RANBP2: variants seen among roughly 807,000 people sequenced by gnomAD.
RANBP2 encodes E3 SUMO-protein ligase RanBP2.
RANBP2 carries 57 observed loss-of-function variants against 303.6 expected under a neutral mutation model. The observed-to-expected ratio is 0.19, with a 90% CI of 0.15 to 0.23. RANBP2 has a LOEUF of 0.23. Among genes scored for constraint, RANBP2 ranks in the 10% least tolerant of loss-of-function variants. The pLI is 1.00. For missense variants in RANBP2, 3,138 were observed against 3,780.8 expected (o/e 0.83, Z 4.46); for synonymous variants, 1,167 against 1,301.5 (o/e 0.90, Z 2.23).
At chr2:108,812,502 A>T in the RANBP2 span, 1 of 669,124 alleles carries the variant, frequency 1.5e-6, no homozygotes, top group Non-Finnish European at 2.6e-6. Flanking sequence ...TAAGTTAATC[A>T]TGAATGCTGT....
At chr2:108,905,982 G>A in the RANBP2 span, among the ~76,000 whole-genome samples, 1 of 152,168 alleles carries the variant, frequency 6.6e-6, no homozygotes, top group African/African-American at 2.4e-5. Context: ...GTGTGGACAC[G>A]GTCTCTGGGG....
the RANBP2 span, among the ~76,000 whole-genome samples, chr2:109,011,964 C>T: frequency 8.5e-5 from 13 of 152,094 alleles, no homozygotes; most frequent in African/African-American, 2.2e-4. Flanking sequence ...AACATCTTCC[C>T]GTACCTTTCT....
the RANBP2 span, among the ~76,000 whole-genome samples, chr2:109,036,765 TGA>T: frequency 6.6e-6 from 1 of 152,114 alleles, no homozygotes; most frequent in Non-Finnish European, 1.5e-5. Context: ...CCCAACACTT[TGA>T]GAGGCTGAGA....
chr2:109,022,446 C>T, the RANBP2 span, among the ~76,000 whole-genome samples: 1 of 152,152 alleles, frequency 6.6e-6, no homozygotes, highest in Admixed American at 6.5e-5. Context: ...GGTGGATTTT[C>T]CAGATGGTGG....
the RANBP2 span, among the ~76,000 whole-genome samples, chr2:109,668,910 T>C: frequency 1.3e-5 from 2 of 152,188 alleles, no homozygotes; most frequent in East Asian, 3.9e-4. Flanking sequence ...TGTTCTTGCA[T>C]TCATGAATGG....
downstream of RANBP2, among the ~76,000 whole-genome samples, chr2:108,790,021 C>T (rs533958291): frequency 8.1e-4 from 123 of 152,212 alleles, 1 homozygote; most frequent in Middle Eastern, 3.4e-3. Flanking sequence ...CTGTATGTTA[C>T]ATAATTAGTA....
the RANBP2 span, among the ~76,000 whole-genome samples, chr2:108,901,765 C>A: frequency 2.1e-4 from 32 of 152,200 alleles, no homozygotes; most frequent in Non-Finnish European, 3.5e-4. Context: ...TAAAATAGAT[C>A]ATTTGAACAG....
the RANBP2 span, among the ~76,000 whole-genome samples, chr2:109,099,302 T>A: frequency 6.6e-6 from 1 of 152,220 alleles, no homozygotes; most frequent in Non-Finnish European, 1.5e-5. Context: ...AGGCTCTATA[T>A]GTCAACAGGT....
chr2:109,472,176 T>C, the RANBP2 span, among the ~76,000 whole-genome samples: 1 of 152,208 alleles, frequency 6.6e-6, no homozygotes, highest in East Asian at 1.9e-4. Flanking sequence ...CTTATAGAAA[T>C]GTAGGAGCAG....
At chr2:108,986,311 T>A in the RANBP2 span, among the ~76,000 whole-genome samples, 1 of 152,166 alleles carries the variant, frequency 6.6e-6, no homozygotes, top group Non-Finnish European at 1.5e-5. Context: ...TTCCTCTTGA[T>A]CCCTCGCCTC....
At chr2:108,882,328 T>C in the RANBP2 span, 1 of 152,134 alleles carries the variant, frequency 6.6e-6, no homozygotes, top group Non-Finnish European at 1.5e-5. Context: ...AAATCTTCAA[T>C]TTGTAAAAAA....
the RANBP2 span, among the ~76,000 whole-genome samples, chr2:109,602,887 G>C: frequency 1.4e-5 from 2 of 142,816 alleles, no homozygotes; most frequent in African/African-American, 2.6e-5. Context: ...GAACAACATA[G>C]GCAGACCCTG....
the RANBP2 span, among the ~76,000 whole-genome samples, chr2:109,113,368 T>A: frequency 1.3e-5 from 2 of 152,032 alleles, no homozygotes; most frequent in African/African-American, 2.4e-5. Flanking sequence ...TAAGTTGGAT[T>A]CCTAGGTATT....
chr2:108,913,150 C>T, the RANBP2 span, among the ~76,000 whole-genome samples: 2 of 152,180 alleles, frequency 1.3e-5, no homozygotes, highest in South Asian at 2.1e-4. Context: ...GGGGTTTCAC[C>T]ATGTTAGCCA....
chr2:109,006,111 G>A, the RANBP2 span, among the ~76,000 whole-genome samples: 3 of 152,220 alleles, frequency 2.0e-5, no homozygotes, highest in Non-Finnish European at 4.4e-5. Context: ...GTGGGGTTGC[G>A]GGGGAACAAT....
chr2:109,700,988 G>T, the RANBP2 span, among the ~76,000 whole-genome samples: 1 of 152,176 alleles, frequency 6.6e-6, no homozygotes, highest in Non-Finnish European at 1.5e-5. Context: ...TACAAAGGAG[G>T]GAGGTTCAGC....
chr2:109,246,893 A>G, the RANBP2 span, among the ~76,000 whole-genome samples: 198 of 152,246 alleles, frequency 1.3e-3, no homozygotes, highest in Non-Finnish European at 2.2e-3. Context: ...GTTTGATGCT[A>G]GGACCCCTCT....
chr2:109,169,507 C>A, the RANBP2 span, among the ~76,000 whole-genome samples: 35 of 152,146 alleles, frequency 2.3e-4, no homozygotes, highest in East Asian at 6.0e-3. Context: ...CTGCTCTGTG[C>A]TCTCTTGGTC....
chr2:108,790,626 C>G (rs920578572), downstream of RANBP2, among the ~76,000 whole-genome samples: 6 of 152,090 alleles, frequency 3.9e-5, no homozygotes, highest in African/African-American at 1.4e-4. Flanking sequence ...TGCTTGGACC[C>G]GGAGGCAGAG....
Sources: allele counts gnomAD v4.1 joint callset (sites outside exome capture counted in the v4.1 genomes callset), GRCh38; gene constraint gnomAD v4.1.1; transcripts MANE v1.5; gene names NCBI Gene and HGNC (gene_info 2026-07-23, HGNC 2026-07-21).